Variants in SPAG16 observed in about 807,000 individuals in gnomAD.
SPAG16 encodes the protein sperm-associated antigen 16 protein.
A neutral mutation model predicts 80.4 loss-of-function variants in SPAG16; 86 were observed. That is an observed-to-expected ratio of 1.07 (90% CI 0.90 to 1.28). The LOEUF is 1.28. SPAG16 is among the 50% of genes most tolerant of loss of function. The pLI is 0.00. For synonymous variants in SPAG16, 294 were observed against 265.9 expected, an observed-to-expected ratio of 1.11 and a Z score of -1.03; for missense variants, 870 against 765.3, an observed-to-expected ratio of 1.14 and a Z score of -1.61.
intron 10 of SPAG16, among the ~76,000 whole-genome samples, chr2:213,657,411 T>C (rs1215704828): frequency 6.6e-6 from 1 of 152,200 alleles, no homozygotes. Context: ...TATATTATTA[T>C]TTTACAGTGA....
chr2:214,091,989 A>G (rs191755068), intron 13 of SPAG16, among the ~76,000 whole-genome samples: 20 of 152,162 alleles, frequency 1.3e-4, no homozygotes, highest in Non-Finnish European at 2.5e-4. Flanking sequence ...GTACAATACA[A>G]TACCTACTTC....
chr2:213,320,444 A>T (rs186020149), intron 5 of SPAG16, among the ~76,000 whole-genome samples: 1 of 152,116 alleles, frequency 6.6e-6, no homozygotes, highest in East Asian at 1.9e-4. Context: ...TTTGAAATAG[A>T]TGATAAATTA....
intron 10 of SPAG16, among the ~76,000 whole-genome samples, chr2:213,585,469 G>A (rs141079054): frequency 2.6e-5 from 4 of 151,886 alleles, no homozygotes; most frequent in African/African-American, 4.8e-5. Context: ...TAGAGATGGG[G>A]TTTCACCATG....
intron 12 of SPAG16, among the ~76,000 whole-genome samples, chr2:213,954,199 A>G (rs563663429): frequency 6.6e-5 from 10 of 151,640 alleles, no homozygotes; most frequent in African/African-American, 1.2e-4. Flanking sequence ...CTGCGGCACA[A>G]TCTTTGCTCC....
chr2:213,929,912 A>G, intron 11 of SPAG16, 48 bp from the exon 12 acceptor site: 1 of 1,551,476 alleles, frequency 6.4e-7, no homozygotes, highest in Non-Finnish European at 8.8e-7. Flanking sequence ...ATTCATAAAA[A>G]TTATGTTACT....
chr2:214,400,625 T>G (rs963297984), intron 15 of SPAG16, among the ~76,000 whole-genome samples: 1 of 152,022 alleles, frequency 6.6e-6, no homozygotes, highest in Non-Finnish European at 1.5e-5. Context: ...GCAACTTATA[T>G]TTGTTTAAAA....
chr2:214,301,535 T>G lies in SPAG16; in HGVS notation c.1721-108605T>G, dbSNP rs62196825. On this transcript the variant is annotated intron_variant, in intron 15 of 15. Coordinates refer to ENST00000331683, the MANE Select transcript of SPAG16 (RefSeq NM_024532.5). The stretch of plus-strand genomic sequence containing the variant: ...AAAACAGAAAATCATTTCCTGGAAT[T>G]TATCCATTTCCTCTAGGCTTTCTAG... 1.2e-3 allele frequency among the ~76,000 whole-genome samples: 184 copies of G among 152,232 alleles called. 1 individual carries two copies. Among genetic ancestry groups the G allele is most frequent in the Non-Finnish European group, 1.1e-3 (75 of 67,988 alleles).
chr2:213,877,148 A>T (rs917880554), intron 11 of SPAG16, among the ~76,000 whole-genome samples: 2 of 152,016 alleles, frequency 1.3e-5, no homozygotes, highest in African/African-American at 4.8e-5. Context: ...ATATACCCCA[A>T]ACTCTTTTCT....
At chr2:213,974,868 G>C (rs1012026958) in intron 12 of SPAG16, among the ~76,000 whole-genome samples, 18 of 148,352 alleles carry the variant, frequency 1.2e-4, no homozygotes, top group Non-Finnish European at 2.7e-4. Flanking sequence ...CAGGCTCACA[G>C]ATTTTGACCT....
chr2:213,992,868 T>C (rs2046351230), intron 12 of SPAG16, among the ~76,000 whole-genome samples: 1 of 152,198 alleles, frequency 6.6e-6, no homozygotes, highest in Non-Finnish European at 1.5e-5. Flanking sequence ...GGCATATAAG[T>C]CATCCTTACC....
intron 9 of SPAG16, among the ~76,000 whole-genome samples, chr2:213,388,313 C>T (rs1180204521): frequency 1.3e-5 from 2 of 152,212 alleles, no homozygotes; most frequent in African/African-American, 4.8e-5. Context: ...CTCCATTATT[C>T]ACCCTTGTCT....
intron 14 of SPAG16, among the ~76,000 whole-genome samples, chr2:214,133,399 C>T (rs2054884792): frequency 1.3e-5 from 2 of 152,126 alleles, no homozygotes; most frequent in African/African-American, 4.8e-5. Context: ...GGTGTGGTGG[C>T]TTACGCCTGT....
chr2:213,600,286 A>T (rs1347480659), intron 10 of SPAG16, among the ~76,000 whole-genome samples: 1 of 152,206 alleles, frequency 6.6e-6, no homozygotes, highest in Admixed American at 6.5e-5. Flanking sequence ...GATTTGCAAC[A>T]TTATATTCTT....
intron 10 of SPAG16, among the ~76,000 whole-genome samples, chr2:213,649,050 C>T (rs2125139559): frequency 1.3e-5 from 2 of 152,294 alleles, no homozygotes; most frequent in South Asian, 2.1e-4. Flanking sequence ...TCTCTGTCTT[C>T]ACTTTTTTTG....
At chr2:213,754,974 A>G (rs1216180168) in intron 10 of SPAG16, among the ~76,000 whole-genome samples, 2 of 152,220 alleles carry the variant, frequency 1.3e-5, no homozygotes, top group Non-Finnish European at 2.9e-5. Flanking sequence ...CTATTTCCTA[A>G]GTAATTCTAG....
chr2:213,485,020 G>A lies in SPAG16; in HGVS notation c.943-4943G>A, dbSNP rs192446483. ...TTTTCTTTTTTTTTTTTGAGACAGCGTCTCATTCTGTCCATTCAGGCTGGA... is the reference window on the plus strand; with the variant it reads ...TTTTCTTTTTTTTTTTTGAGACAGCATCTCATTCTGTCCATTCAGGCTGGA... On this transcript the variant is annotated intron_variant, in intron 9 of 15. Transcript: ENST00000331683. Among the ~76,000 whole-genome samples the A allele has an allele frequency of 4.4e-3, 670 of 150,886 alleles. 4 individuals carry two copies. The highest frequency in any genetic ancestry group is 5.1e-3 in the Non-Finnish European group (344 of 67,802).
At chr2:214,020,550 TAATG>T (rs2047810124) in intron 13 of SPAG16, among the ~76,000 whole-genome samples, 1 of 152,180 alleles carries the variant, frequency 6.6e-6, no homozygotes, top group Non-Finnish European at 1.5e-5. Flanking sequence ...TAATTTTAAT[TAATG>T]ACTGTAATTC....
At chr2:214,395,896 A>G (rs536556717) in intron 15 of SPAG16, among the ~76,000 whole-genome samples, 5 of 152,094 alleles carry the variant, frequency 3.3e-5, no homozygotes, top group Non-Finnish European at 5.9e-5. Flanking sequence ...ATTCCATGGT[A>G]TATATGTACC....
chr2:214,235,898 A>G (rs999996491), intron 15 of SPAG16, among the ~76,000 whole-genome samples: 2 of 152,156 alleles, frequency 1.3e-5, no homozygotes, highest in Admixed American at 1.3e-4. Flanking sequence ...CAGTAGTACA[A>G]TTAGAATTTG....
Sources: allele counts gnomAD v4.1 joint callset (sites outside exome capture counted in the v4.1 genomes callset), GRCh38; gene constraint gnomAD v4.1.1; transcripts MANE v1.5; gene names NCBI Gene and HGNC (gene_info 2026-07-23, HGNC 2026-07-21).